TENT5A: variants seen among roughly 807,000 people sequenced by gnomAD.
TENT5A encodes terminal nucleotidyltransferase 5A.
In TENT5A, 9 loss-of-function variants were observed where a neutral mutation model predicts 30.2. The observed-to-expected ratio is 0.30, with a 90% CI of 0.18 to 0.52. TENT5A has a LOEUF of 0.52. TENT5A is among the 20% of genes least tolerant of loss of function. TENT5A has a pLI of 0.97. For synonymous variants in TENT5A, 264 were observed against 234.2 expected (o/e 1.13, Z -1.16); for missense variants, 411 against 566.1 (o/e 0.73, Z 2.78).
chr6:81,752,343 C>A (rs1581992503), intron 1 of TENT5A, 88 bp downstream of exon 1: 1 of 1,548,970 alleles, frequency 6.5e-7, no homozygotes, highest in East Asian at 2.5e-5. Context: ...CAGTCCCCAG[C>A]CGCGCACCGC....
Position 81,747,087 on chromosome 6 carries a change from C to A in TENT5A, c.*2608G>T, listed in dbSNP as rs1160205845. ...AAATAAGGCTCTTCCAAACAAAAATCTGTGTTATAAATTAACAGCAGGTTA... is the reference window on the plus strand; with the variant it reads ...AAATAAGGCTCTTCCAAACAAAAATATGTGTTATAAATTAACAGCAGGTTA... On this transcript the variant is annotated 3_prime_UTR_variant, in exon 3 of 3. Transcript: ENST00000320172. The A allele has an allele frequency of 2.0e-6, 2 of 984,606 alleles. No individual in the cohort carries two copies. Among genetic ancestry groups the A allele is most frequent in the East Asian group, 1.1e-4 (1 of 8,810 alleles). 61.0% of individuals were successfully genotyped at this position (984,606 alleles called of 1,614,324 possible). A position where few individuals can be genotyped will look rare whatever the true frequency, so the allele number is the denominator to read the frequency against.
At position 81,751,771 on chromosome 6, in the gene TENT5A, G is replaced by A. The variant is rs1769039362; in HGVS notation, c.371C>T (p.Ala124Val). ...GTCCTGGTGCAGGACATGGCTGGCTGCCGAGCCGTTGAGGCGCACGTCGCG... is the reference window on the plus strand; with the variant it reads ...GTCCTGGTGCAGGACATGGCTGGCTACCGAGCCGTTGAGGCGCACGTCGCG... ...GVRDVRLNGS[A>V]ASHVLHQDSG... Residue 124 changes from alanine (A) to valine (V), a missense_variant, in exon 2 of 3, where the codon GCA (alanine) becomes GTA (valine). Transcript: ENST00000320172. The A allele has an allele frequency of 6.2e-7, 1 of 1,611,884 alleles. No individual in the cohort carries two copies. Among genetic ancestry groups the A allele is most frequent in the Non-Finnish European group, 8.5e-7 (1 of 1,179,816 alleles).
chr6:81,750,506 C>A lies in TENT5A; in HGVS notation c.553-35G>T. ...AAAAGATAAAACAAAATGAGCAAAC[C>A]TAGAAAATAATAAATCAATAAATAA... On this transcript the variant is annotated intron_variant, in intron 2 of 2. Coordinates refer to ENST00000320172, the MANE Select transcript of TENT5A (RefSeq NM_017633.3). The surrounding 1 kb of genome is among the most constrained non-coding windows in gnomAD (Gnocchi z 4.2). 2 of 1,250,550 alleles carry A rather than the reference C, an allele frequency of 1.6e-6. No homozygotes were observed. The highest frequency in any genetic ancestry group is 3.1e-5 in the South Asian group (2 of 65,104). 77.5% of individuals were successfully genotyped at this position (1,250,550 alleles called of 1,614,324 possible). A position where few individuals can be genotyped will look rare whatever the true frequency, so the allele number is the denominator to read the frequency against.
Position 81,752,179 on chromosome 6 carries a change from C to T in TENT5A, c.-37-1G>A, listed in dbSNP as rs1182239882. On this transcript the variant is annotated splice_acceptor_variant, in intron 1 of 2. Transcript: ENST00000320172. LOFTEE classifies it low-confidence loss of function (5UTR_SPLICE). ...GAGCGCCACTTGGCCCTGGTCAGTC[C>T]TAAAAAGAAAGGGAAAGGAGCGCGG... The T allele has an allele frequency of 1.3e-6, 2 of 1,500,832 alleles. No individual in the cohort carries two copies. The highest frequency in any genetic ancestry group is 1.8e-6 in the Non-Finnish European group (2 of 1,126,296). 93.0% of individuals were successfully genotyped at this position (1,500,832 alleles called of 1,614,324 possible).
Position 81,746,051 on chromosome 6 carries a change from C to G in TENT5A, c.*3644G>C. The G allele has an allele frequency of 1.0e-6, 1 of 985,750 alleles. No individual in the cohort carries two copies. Among genetic ancestry groups the G allele is most frequent in the Non-Finnish European group, 1.2e-6 (1 of 829,824 alleles). The allele number at this position is 985,750 out of a possible 1,614,324, so 61.1% of individuals were successfully genotyped here. A position where few individuals can be genotyped will look rare whatever the true frequency, so the allele number is the denominator to read the frequency against. On this transcript the variant is annotated 3_prime_UTR_variant, in exon 3 of 3. Coordinates refer to ENST00000320172, the MANE Select transcript of TENT5A (RefSeq NM_017633.3). ...GTCTCGTTAACTTGACATCTTCCAACTTTGTACTTTACCATTTGCTTTGTT... is the reference window on the plus strand; with the variant it reads ...GTCTCGTTAACTTGACATCTTCCAAGTTTGTACTTTACCATTTGCTTTGTT...
At chr6:81,752,235 G>A (rs564779249) in intron 1 of TENT5A, 57 bp from the exon 2 acceptor site, 416 of 1,344,538 alleles carry the variant, frequency 3.1e-4, no homozygotes, top group African/African-American at 2.3e-3. Context: ...GAGCACGCGC[G>A]GCGGCGGAGA....
rs939718877 is a variant in TENT5A at position 81,747,642 on chromosome 6, T to C, written c.*2053A>G. On this transcript the variant is annotated 3_prime_UTR_variant, in exon 3 of 3. Coordinates refer to ENST00000320172, the MANE Select transcript of TENT5A (RefSeq NM_017633.3). ...ATTTTTTTCTCCCGTGGTCTCTCTTTAACTGATGATGAAAATCTTCTAATT... is the reference window on the plus strand; with the variant it reads ...ATTTTTTTCTCCCGTGGTCTCTCTTCAACTGATGATGAAAATCTTCTAATT... 1 of 985,662 alleles carries C rather than the reference T, an allele frequency of 1.0e-6. No individual in the cohort carries two copies. Among genetic ancestry groups the C allele is most frequent in the African/African-American group, 1.7e-5 (1 of 57,238 alleles). 61.1% of individuals were successfully genotyped at this position (985,662 alleles called of 1,614,324 possible).
rs772506719 is a variant in TENT5A, at chr6:81,749,823, C to T, written c.1201G>A (p.Val401Ile). 1.9e-6 allele frequency: 3 copies of T among 1,613,954 alleles called. No homozygotes were observed. In the Admixed American group the frequency reaches 5.0e-5, roughly 27 times the overall value. ...GGGGCTGGCTGGTAATAGCAAGTGA[C>T]ATTAGCCACATTAGGAATGACATTT... Reference protein sequence around the residue: ...DQNVIPNVANVTCYYQPAPYV... With the variant: ...DQNVIPNVANITCYYQPAPYV... The change falls in exon 3 of 3, where the codon GTC (valine) becomes ATC (isoleucine). Residue 401 changes from valine to isoleucine, a missense_variant. Val to Ile is a conservative substitution (Grantham distance 29). Coordinates refer to ENST00000320172, the MANE Select transcript of TENT5A (RefSeq NM_017633.3).
At position 81,749,336 on chromosome 6, in the gene TENT5A, T is replaced by G. The variant is rs1299203106; in HGVS notation, c.*359A>C. On this transcript the variant is annotated 3_prime_UTR_variant, in exon 3 of 3. Transcript: ENST00000320172. ...CCATCTTAAAAGAAACTTTCCACTTTTTTTTTTCCTATGGCAAAGCTATGG... is the reference window on the plus strand; with the variant it reads ...CCATCTTAAAAGAAACTTTCCACTTGTTTTTTTCCTATGGCAAAGCTATGG... 1 of 1,022,382 alleles carries G rather than the reference T, an allele frequency of 9.8e-7. No homozygotes were observed. Among genetic ancestry groups the G allele is most frequent in the Non-Finnish European group, 1.2e-6 (1 of 854,920 alleles). 63.3% of individuals were successfully genotyped at this position (1,022,382 alleles called of 1,614,324 possible). A position where few individuals can be genotyped will look rare whatever the true frequency, so the allele number is the denominator to read the frequency against.
Position 81,746,711 on chromosome 6 carries a change from TA to T in TENT5A, c.*2983del, listed in dbSNP as rs1461662155. ...TAAAGAAACAGCACACTAGGCCAGA[TA>T]AACACAAAAGGAAACAAATCACAGG... On this transcript the variant is annotated 3_prime_UTR_variant, in exon 3 of 3. Transcript: ENST00000320172. The T allele has an allele frequency of 8.1e-7, 1 of 1,227,224 alleles. No individual in the cohort carries two copies. The highest frequency in any genetic ancestry group is 1.0e-6 in the Non-Finnish European group (1 of 985,400). 76.0% of individuals were successfully genotyped at this position (1,227,224 alleles called of 1,614,324 possible).
In TENT5A at chr6:81,749,471, T is replaced by G; in HGVS notation, c.*224A>C. 2 of 1,280,586 alleles carry G rather than the reference T, an allele frequency of 1.6e-6. No homozygotes were observed. Among genetic ancestry groups the G allele is most frequent in the East Asian group, 3.0e-5 (1 of 32,904 alleles). 79.3% of individuals were successfully genotyped at this position (1,280,586 alleles called of 1,614,324 possible). A position where few individuals can be genotyped will look rare whatever the true frequency, so the allele number is the denominator to read the frequency against. On this transcript the variant is annotated 3_prime_UTR_variant, in exon 3 of 3. Coordinates refer to ENST00000320172, the MANE Select transcript of TENT5A (RefSeq NM_017633.3). ...TCTTTTTTTGCAGGATAGAATCCAA[T>G]TGGGTAGGAGAATAAGAGAAGGGAA... is the stretch of plus-strand genomic sequence containing the variant.
rs2127726055 is a variant in TENT5A, at chr6:81,748,267, G to A, written c.*1428C>T. 2 of 984,176 alleles carry A rather than the reference G, an allele frequency of 2.0e-6. No individual in the cohort carries two copies. Among genetic ancestry groups the A allele is most frequent in the Middle Eastern group, 5.2e-4 (1 of 1,906 alleles). 61.0% of individuals were successfully genotyped at this position (984,176 alleles called of 1,614,324 possible). On this transcript the variant is annotated 3_prime_UTR_variant, in exon 3 of 3. Coordinates refer to ENST00000320172, the MANE Select transcript of TENT5A (RefSeq NM_017633.3). ...GATCCACTAGATTAAACATCATAGAGGAATGCAATTTTTTTTTTAATAAAT... is the reference window on the plus strand; with the variant it reads ...GATCCACTAGATTAAACATCATAGAAGAATGCAATTTTTTTTTTAATAAAT...
Position 81,749,077 on chromosome 6 carries a change from T to C in TENT5A, c.*618A>G. Reference sequence around the variant, plus strand: ...AATTAATGGATTGTGTCATCATAAGTTCTGCTGATTGTTACGAGAACTGCA... The same window carrying C: ...AATTAATGGATTGTGTCATCATAAGCTCTGCTGATTGTTACGAGAACTGCA... On this transcript the variant is annotated 3_prime_UTR_variant, in exon 3 of 3. Coordinates refer to ENST00000320172, the MANE Select transcript of TENT5A (RefSeq NM_017633.3). 3.0e-6 allele frequency: 3 copies of C among 985,846 alleles called. No individual in the cohort carries two copies. The highest frequency in any genetic ancestry group is 3.6e-6 in the Non-Finnish European group (3 of 829,922). The allele number at this position is 985,846 out of a possible 1,614,324, so 61.1% of individuals were successfully genotyped here. A position where few individuals can be genotyped will look rare whatever the true frequency, so the allele number is the denominator to read the frequency against.
Position 81,751,968 on chromosome 6 carries a change from G to A in TENT5A, c.174C>T (p.Ser58=). ...FGGHCLDYCE[S]PTAHCNVLNW... is the part of the protein sequence containing the mutation. ...TCAGCACATTGCAGTGCGCCGTAGG[G>A]CTTTCGCAATAGTCCAAGCAATGCC... The change falls in exon 2 of 3, where the codon AGC becomes AGT. Residue 58 remains serine, a synonymous_variant. Transcript: ENST00000320172. The A allele has an allele frequency of 1.2e-6, 2 of 1,612,892 alleles. No homozygotes were observed. Among genetic ancestry groups the A allele is most frequent in the Non-Finnish European group, 8.5e-7 (1 of 1,179,906 alleles).
At chr6:81,751,326 C>T (rs1446650533) in intron 2 of TENT5A, among the ~76,000 whole-genome samples, 1 of 152,138 alleles carries the variant, frequency 6.6e-6, no homozygotes, top group African/African-American at 2.4e-5. Flanking sequence ...AGAGTTAAAA[C>T]ATAAGGAGAA....
At position 81,747,222 on chromosome 6, in the gene TENT5A, G is replaced by A. The variant is rs1173587222; in HGVS notation, c.*2473C>T. On this transcript the variant is annotated 3_prime_UTR_variant, in exon 3 of 3. Transcript: ENST00000320172. ...ACCAGCTGCTCCTGTGTTCACAAGT[G>A]CTCCCCTAGTTTTCTTTCAGAAAAC... The A allele has an allele frequency of 3.5e-5, 34 of 985,352 alleles. No individual in the cohort carries two copies. The highest frequency in any genetic ancestry group is 4.1e-5 in the Non-Finnish European group (34 of 829,914). The allele number at this position is 985,352 out of a possible 1,614,324, so 61.0% of individuals were successfully genotyped here.
chr6:81,751,869 G>C lies in TENT5A; in HGVS notation c.273C>G (p.Pro91=). 1 of 1,613,166 alleles carries C rather than the reference G, an allele frequency of 6.2e-7. No homozygotes were observed. The highest frequency in any genetic ancestry group is 8.5e-7 in the Non-Finnish European group (1 of 1,179,910). Residue 91 remains proline, a synonymous_variant, in exon 2 of 3, where the codon CCC becomes CCG. Transcript: ENST00000320172. The stretch of plus-strand genomic sequence containing the variant: ...TCAGGCTCGGCTGCAGCTCGAGCGT[G>C]GGGAAGTTGCCGCGCCCGTGAATCG... The part of the protein sequence containing the change: ...TIPIHGRGNF[P]TLELQPSLIV...
In TENT5A at chr6:81,751,960, G is replaced by C. The variant is rs565370307; in HGVS notation, c.182C>G (p.Ala61Gly). The C allele has an allele frequency of 8.8e-6, 14 of 1,598,302 alleles. No individual in the cohort carries two copies. The African/African-American group carries it at 1.9e-4, about 22-fold the overall frequency. ...CTCCCAGTTCAGCACATTGCAGTGCGCCGTAGGGCTTTCGCAATAGTCCAA... is the reference window on the plus strand; with the variant it reads ...CTCCCAGTTCAGCACATTGCAGTGCCCCGTAGGGCTTTCGCAATAGTCCAA... Reference protein sequence around the residue: ...HCLDYCESPTAHCNVLNWEQV... With the variant: ...HCLDYCESPTGHCNVLNWEQV... The change falls in exon 2 of 3, where the codon GCG (alanine) becomes GGG (glycine). Residue 61 changes from alanine (A) to glycine (G), a missense_variant. By Grantham distance (60) the Ala-to-Gly change is moderately conservative. This residue lies in a region of TENT5A where 157 missense variants were observed against 183.2 expected (regional missense o/e 0.86). Coordinates refer to ENST00000320172, the MANE Select transcript of TENT5A (RefSeq NM_017633.3).
Position 81,749,622 on chromosome 6 carries a change from T to C in TENT5A, c.*73A>G. ...CTAATAAGGGCTGGATCACTCTTTT[T>C]TTTTTCTTTTTTTTTTTTTTCTCTC... On this transcript the variant is annotated 3_prime_UTR_variant, in exon 3 of 3. Coordinates refer to ENST00000320172, the MANE Select transcript of TENT5A (RefSeq NM_017633.3). 1 of 1,514,166 alleles carries C rather than the reference T, an allele frequency of 6.6e-7. No homozygotes were observed. The highest frequency in any genetic ancestry group is 8.8e-7 in the Non-Finnish European group (1 of 1,137,694). 93.8% of individuals were successfully genotyped at this position (1,514,166 alleles called of 1,614,324 possible). A position where few individuals can be genotyped will look rare whatever the true frequency, so the allele number is the denominator to read the frequency against.
Sources: gnomAD v4.1 joint callset for allele counts (sites outside exome capture counted in the v4.1 genomes callset) on GRCh38, gnomAD v4.1.1 for gene constraint, gnomAD v4.1.1 regional missense constraint, Gnocchi (gnomAD v3.1) non-coding constraint, MANE v1.5 for transcripts, NCBI Gene and HGNC (gene_info 2026-07-23, HGNC 2026-07-21) for gene names.